Variants in TNNI3K observed in about 807,000 individuals in gnomAD.
The protein encoded by TNNI3K is serine/threonine-protein kinase TNNI3K.
TNNI3K carries 140 observed loss-of-function variants against 114.5 expected under a neutral mutation model. The observed-to-expected ratio is 1.22, with a 90% CI of 1.07 to 1.41. TNNI3K has a LOEUF of 1.41. TNNI3K is among the 40% of genes most tolerant of loss of function. TNNI3K has a pLI of 0.00. For missense variants in TNNI3K, 1,125 were observed against 1,007.6 expected (o/e 1.12, Z -1.58); for synonymous variants, 347 against 347.5 (o/e 1.00, Z 0.02).
chr1:74,235,733 A>C (rs938468248), intron 1 of TNNI3K, among the ~76,000 whole-genome samples: 1 of 151,454 alleles, frequency 6.6e-6, no homozygotes, highest in African/African-American at 2.4e-5. Flanking sequence ...TACAGAAAAA[A>C]ATTTGGAATA....
intron 17 of TNNI3K, among the ~76,000 whole-genome samples, chr1:74,412,503 A>G (rs1664930173): frequency 6.6e-6 from 1 of 152,202 alleles, no homozygotes; most frequent in South Asian, 2.1e-4. Context: ...CTGCAGCCAG[A>G]GTAGGAGGTT....
At chr1:74,480,393 G>T in intron 21 of TNNI3K, 1 of 717,582 alleles carries the variant, frequency 1.4e-6, no homozygotes, top group Non-Finnish European at 2.6e-6. Flanking sequence ...AGGGGATGGA[G>T]ATCACAAGTG....
intron 17 of TNNI3K, among the ~76,000 whole-genome samples, chr1:74,425,485 T>C (rs1052528318): frequency 2.0e-5 from 3 of 152,082 alleles, no homozygotes; most frequent in Non-Finnish European, 4.4e-5. Flanking sequence ...ACGAATTCAA[T>C]TCTAGGGAAA....
intron 17 of TNNI3K, among the ~76,000 whole-genome samples, chr1:74,379,111 T>C (rs939602187): frequency 1.3e-5 from 2 of 152,060 alleles, no homozygotes; most frequent in African/African-American, 4.8e-5. Flanking sequence ...TTTGTTAATT[T>C]AAAAGCATGA....
chr1:74,391,966 T>TTTTTTTTTTTTTA (rs1663804135), intron 17 of TNNI3K, among the ~76,000 whole-genome samples: 7 of 134,882 alleles, frequency 5.2e-5, no homozygotes, highest in African/African-American at 1.8e-4. Context: ...TATTTTTTTT[T>TTTTTTTTTTTTTA]TTTTTTTTTT....
At chr1:74,504,694 G>A (rs1362163148) in intron 23 of TNNI3K, among the ~76,000 whole-genome samples, 1 of 152,048 alleles carries the variant, frequency 6.6e-6, no homozygotes, top group Middle Eastern at 3.2e-3. Context: ...TGCATGAAAA[G>A]AGTGAGCGAG....
intron 5 of TNNI3K, among the ~76,000 whole-genome samples, chr1:74,279,191 G>A (rs1038874993): frequency 1.3e-5 from 2 of 152,126 alleles, no homozygotes; most frequent in African/African-American, 4.8e-5. Context: ...GAATGGGCAG[G>A]CCACCTCTTA....
intron 5 of TNNI3K, among the ~76,000 whole-genome samples, chr1:74,280,758 C>A (rs1391717134): frequency 1.3e-5 from 2 of 152,164 alleles, no homozygotes; most frequent in African/African-American, 4.8e-5. Context: ...GCCTCAGGGA[C>A]TACAGTACTT....
intron 5 of TNNI3K, among the ~76,000 whole-genome samples, 168 bp downstream of exon 5, chr1:74,271,876 A>G (rs1220215181): frequency 6.6e-6 from 1 of 151,940 alleles, no homozygotes; most frequent in Non-Finnish European, 1.5e-5. Context: ...TTGGATAGTC[A>G]ATTCAGTCAA....
intron 5 of TNNI3K, among the ~76,000 whole-genome samples, chr1:74,296,413 C>G (rs1466642520): frequency 2.0e-5 from 3 of 151,534 alleles, no homozygotes; most frequent in Admixed American, 6.6e-5. Context: ...CATATATTAC[C>G]TTTTTGTGTA....
chr1:74,354,386 C>T (rs1192879874), intron 11 of TNNI3K, among the ~76,000 whole-genome samples: 1 of 151,602 alleles, frequency 6.6e-6, no homozygotes, highest in Non-Finnish European at 1.5e-5. Context: ...TTTCTAAGTA[C>T]CAGAGAAACA....
intron 20 of TNNI3K, among the ~76,000 whole-genome samples, chr1:74,455,058 G>A (rs1490134927): frequency 6.6e-6 from 1 of 152,090 alleles, no homozygotes; most frequent in African/African-American, 2.4e-5. Context: ...AAAATAAAGA[G>A]GAATAGGTCG....
rs1484388843 is a variant in TNNI3K at position 74,327,272 on chromosome 1, A to G, written c.445-4178A>G. On this transcript the variant is annotated intron_variant, in intron 5 of 24. Transcript: ENST00000326637. ...GAGCTCTGACTTATTTTCTGTGCTC[A>G]TAAAACAACCACTTAATGGGAGACA... Among the ~76,000 whole-genome samples the G allele has an allele frequency of 2.0e-5, 3 of 151,130 alleles. No individual in the cohort carries two copies. The East Asian group carries it at 5.8e-4, about 29-fold the overall frequency.
At chr1:74,430,319 A>C (rs944673485) in intron 17 of TNNI3K, among the ~76,000 whole-genome samples, 1 of 152,148 alleles carries the variant, frequency 6.6e-6, no homozygotes, top group Non-Finnish European at 1.5e-5. Flanking sequence ...TGATCCTTAC[A>C]TAATGACTTC....
At chr1:74,523,184 G>A (rs529826925) in intron 23 of TNNI3K, among the ~76,000 whole-genome samples, 13 of 152,204 alleles carry the variant, frequency 8.5e-5, no homozygotes, top group South Asian at 2.1e-4. Flanking sequence ...TAATAATACC[G>A]ATACCACACA....
At chr1:74,493,215 G>T (rs1421139317) in intron 23 of TNNI3K, among the ~76,000 whole-genome samples, 4 of 152,150 alleles carry the variant, frequency 2.6e-5, no homozygotes, top group African/African-American at 9.7e-5. Context: ...GGAGGAGGGA[G>T]AAATTGGGAG....
intron 20 of TNNI3K, among the ~76,000 whole-genome samples, chr1:74,461,482 G>GAAAAAAA (rs745581474): frequency 1.3e-5 from 1 of 74,106 alleles, no homozygotes; most frequent in African/African-American, 4.7e-5. Context: ...TCTGTCTCGA[G>GAAAAAAA]AAAAAAAAAA....
chr1:74,343,228 A>G (rs745640249), intron 9 of TNNI3K, 49 bp downstream of exon 9: 24 of 1,549,406 alleles, frequency 1.5e-5, no homozygotes, highest in South Asian at 9.5e-5. Flanking sequence ...CTGACACTCT[A>G]AAGCACCTGA....
chr1:74,352,820 C>T (rs904478693), intron 9 of TNNI3K, among the ~76,000 whole-genome samples: 37 of 151,900 alleles, frequency 2.4e-4, no homozygotes, highest in Admixed American at 1.4e-3. Flanking sequence ...GTTGGAAAAG[C>T]GCAGTATTAG....
Sources: allele counts gnomAD v4.1 joint callset (sites outside exome capture counted in the v4.1 genomes callset), GRCh38; gene constraint gnomAD v4.1.1; transcripts MANE v1.5; gene names NCBI Gene and HGNC (gene_info 2026-07-23, HGNC 2026-07-21).